The following CSMD1 variants were observed in gnomAD, a reference collection of about 807,000 sequenced individuals.
CSMD1 encodes the protein CUB and Sushi multiple domains 1, also known as CUB and sushi domain-containing protein 1.
Under a neutral mutation model 417.5 loss-of-function variants are expected in CSMD1, and 213 were observed. The observed-to-expected ratio is 0.51, with a 90% confidence interval of 0.46 to 0.57. CSMD1 has a LOEUF of 0.57. CSMD1 is among the 20% of genes least tolerant of loss of function. CSMD1 has a pLI of 0.00. For missense variants in CSMD1, 6,923 were observed against 4,529.7 expected, an observed-to-expected ratio of 1.53 and a Z score of -15.17; for synonymous variants, 2,862 against 1,736.8, an observed-to-expected ratio of 1.65 and a Z score of -16.11.
chr8:3,834,703 C>G (rs537928862), intron 5 of CSMD1, among the ~76,000 whole-genome samples: 4 of 151,828 alleles, frequency 2.6e-5, no homozygotes, highest in East Asian at 1.9e-4. Context: ...TGTCAAAAGT[C>G]TTGGGCAGAT....
At chr8:4,701,558 G>A (rs542366126) in intron 1 of CSMD1, among the ~76,000 whole-genome samples, 1 of 152,068 alleles carries the variant, frequency 6.6e-6, no homozygotes, top group South Asian at 2.1e-4. Flanking sequence ...GAGCAATACA[G>A]TACTGATTCT....
intron 29 of CSMD1, among the ~76,000 whole-genome samples, chr8:3,216,627 C>G (rs1006461073): frequency 3.3e-5 from 5 of 152,146 alleles, no homozygotes; most frequent in African/African-American, 1.2e-4. Flanking sequence ...ACTGACTTGT[C>G]ACTTCAGGAT....
intron 1 of CSMD1, among the ~76,000 whole-genome samples, chr8:4,756,026 T>G (rs1350308): frequency 0.64 from 97,111 of 152,098 alleles, 31,150 homozygotes; most frequent in Admixed American, 0.73. Flanking sequence ...TGCTAATTGT[T>G]TAGTTCACAA....
At chr8:4,567,312 T>A (rs1462728945) in intron 2 of CSMD1, among the ~76,000 whole-genome samples, 1 of 152,178 alleles carries the variant, frequency 6.6e-6, no homozygotes, top group Non-Finnish European at 1.5e-5. Flanking sequence ...CAATAATGTT[T>A]ATTAAAAGTA....
intron 26 of CSMD1, among the ~76,000 whole-genome samples, chr8:3,238,852 T>A (rs982946471): frequency 6.6e-6 from 1 of 152,138 alleles, no homozygotes; most frequent in Non-Finnish European, 1.5e-5. Context: ...CCAAGAGATA[T>A]CAGCTGTAAT....
chr8:3,397,273 T>A (rs1474555253), intron 16 of CSMD1, among the ~76,000 whole-genome samples: 1 of 152,198 alleles, frequency 6.6e-6, no homozygotes, highest in Admixed American at 6.5e-5. Context: ...CACGGAAGCC[T>A]GTGCCATTAG....
intron 18 of CSMD1, among the ~76,000 whole-genome samples, chr8:3,385,196 A>C (rs1810930625): frequency 6.9e-6 from 1 of 144,748 alleles, no homozygotes; most frequent in Non-Finnish European, 1.5e-5. Context: ...TAAATATATA[A>C]ATAGAAATGT....
chr8:3,404,265 G>T (rs1460785111), intron 15 of CSMD1, among the ~76,000 whole-genome samples: 2 of 151,726 alleles, frequency 1.3e-5, no homozygotes, highest in South Asian at 4.2e-4. Flanking sequence ...AATCTGGGAG[G>T]CGGAGGTTGC....
intron 11 of CSMD1, among the ~76,000 whole-genome samples, chr8:3,488,760 G>T (rs570156404): frequency 1.3e-5 from 2 of 152,206 alleles, no homozygotes; most frequent in South Asian, 2.1e-4. Flanking sequence ...TCAAGAACAG[G>T]GTTCAAACAG....
chr8:3,381,235 C>T (rs1810608560), intron 18 of CSMD1, among the ~76,000 whole-genome samples: 1 of 151,680 alleles, frequency 6.6e-6, no homozygotes, highest in Admixed American at 6.6e-5. Context: ...TTGACAAGCC[C>T]CATGTCGGTA....
chr8:4,273,830 T>C (rs969991805), intron 3 of CSMD1, among the ~76,000 whole-genome samples: 1 of 152,150 alleles, frequency 6.6e-6, no homozygotes, highest in African/African-American at 2.4e-5. Flanking sequence ...CTTCTCCAAA[T>C]GGTTGTGAAG....
At chr8:4,275,828 G>A (rs553457652) in intron 3 of CSMD1, among the ~76,000 whole-genome samples, 2 of 152,136 alleles carry the variant, frequency 1.3e-5, no homozygotes, top group Non-Finnish European at 1.5e-5. Context: ...TAATGAAAGT[G>A]ATATTGTTAT....
chr8:3,896,801 T>C (rs150362896), intron 5 of CSMD1, among the ~76,000 whole-genome samples: 9 of 152,252 alleles, frequency 5.9e-5, no homozygotes, highest in South Asian at 4.1e-4. Context: ...AGAGTCTGAA[T>C]TGATGGTCTG....
chr8:4,316,688 G>T (rs1011153152), intron 3 of CSMD1, among the ~76,000 whole-genome samples: 4 of 151,904 alleles, frequency 2.6e-5, no homozygotes, highest in African/African-American at 7.3e-5. Context: ...CTAAGGGGGG[G>T]GCTTCCTTTA....
intron 42 of CSMD1, among the ~76,000 whole-genome samples, chr8:3,113,881 G>T (rs1319664895): frequency 6.6e-6 from 1 of 152,152 alleles, no homozygotes; most frequent in East Asian, 1.9e-4. Flanking sequence ...GACTTTCTGT[G>T]AAGAGAGATG....
intron 41 of CSMD1, among the ~76,000 whole-genome samples, chr8:3,130,776 A>G (rs977115093): frequency 1.3e-5 from 2 of 151,832 alleles, no homozygotes; most frequent in African/African-American, 2.4e-5. Flanking sequence ...CATCACCCCA[A>G]TCATTTCCTC....
At chr8:4,441,472 G>C (rs192682078) in intron 2 of CSMD1, among the ~76,000 whole-genome samples, 2 of 151,856 alleles carry the variant, frequency 1.3e-5, no homozygotes, top group South Asian at 2.1e-4. Context: ...TGTTTTATTA[G>C]GAGTTAGACA....
chr8:4,314,170 C>G (rs188658959), intron 3 of CSMD1, among the ~76,000 whole-genome samples: 1 of 152,042 alleles, frequency 6.6e-6, no homozygotes, highest in Non-Finnish European at 1.5e-5. Flanking sequence ...GGCTTAAAAG[C>G]ATCTCATTCC....
At chr8:4,507,214 A>T (rs1802574881) in intron 2 of CSMD1, among the ~76,000 whole-genome samples, 1 of 152,192 alleles carries the variant, frequency 6.6e-6, no homozygotes. Context: ...ACAATAAAAA[A>T]CCTAGATAGT....
Sources: allele counts gnomAD v4.1 joint callset (sites outside exome capture counted in the v4.1 genomes callset), GRCh38; gene constraint gnomAD v4.1.1; transcripts MANE v1.5; gene names NCBI Gene and HGNC (gene_info 2026-07-23, HGNC 2026-07-21).